The following IL6ST variants were observed in gnomAD, a reference collection of about 807,000 sequenced individuals.
IL6ST encodes interleukin 6 cytokine family signal transducer.
Under a neutral mutation model 91.3 loss-of-function variants are expected in IL6ST, and 24 were observed. The observed-to-expected ratio is 0.26, with a 90% CI of 0.19 to 0.37. The LOEUF is 0.37. Among genes scored for constraint, IL6ST ranks in the 10% least tolerant of loss-of-function variants. IL6ST has a pLI of 1.00. For missense variants in IL6ST, 914 were observed against 1,078.5 expected (o/e 0.85, Z 2.14); for synonymous variants, 351 against 373.6 (o/e 0.94, Z 0.70).
intron 15 of IL6ST, among the ~76,000 whole-genome samples, chr5:55,945,387 A>T (rs79089330): frequency 1.3e-5 from 2 of 152,162 alleles, no homozygotes; most frequent in African/African-American, 4.8e-5. Flanking sequence ...TACCAAAGCA[A>T]TTCAATGGGG....
intron 15 of IL6ST, among the ~76,000 whole-genome samples, chr5:55,943,444 C>G (rs2111602750): frequency 6.6e-6 from 1 of 152,274 alleles, no homozygotes; most frequent in South Asian, 2.1e-4. Flanking sequence ...GAGGAGGTAA[C>G]ATGTTCCCAT....
intron 16 of IL6ST, 119 bp downstream of exon 16, chr5:55,942,551 T>C: frequency 1.8e-6 from 1 of 542,296 alleles, no homozygotes; most frequent in Non-Finnish European, 3.3e-6. Flanking sequence ...TGATTCAGCT[T>C]GAATATCTTA....
rs1265154239 is a variant in IL6ST at position 55,940,413 on chromosome 5, A to G, written c.*669T>C. 4.8e-6 allele frequency: 1 copy of G among 209,340 alleles called. No homozygotes were observed. Among genetic ancestry groups the G allele is most frequent in the Non-Finnish European group, 9.7e-6 (1 of 102,820 alleles). The allele number at this position is 209,340 out of a possible 1,614,324, so 13.0% of individuals were successfully genotyped here. A position where few individuals can be genotyped will look rare whatever the true frequency, so the allele number is the denominator to read the frequency against. On this transcript the variant is annotated 3_prime_UTR_variant, in exon 17 of 17. Coordinates refer to ENST00000381298, the MANE Select transcript of IL6ST (RefSeq NM_002184.4). ...TTGAAAACTAGTGAGATTACTAATTATTGATGAATAAAAAATGAGTACTTT... is the reference window on the plus strand; with the variant it reads ...TTGAAAACTAGTGAGATTACTAATTGTTGATGAATAAAAAATGAGTACTTT...
In IL6ST at chr5:55,977,345, A is replaced by T. The variant is rs1433891949; in HGVS notation, c.-15-1052T>A. Among the ~76,000 whole-genome samples, 4 of 152,008 alleles carry T rather than the reference A, an allele frequency of 2.6e-5. No individual in the cohort carries two copies. In the East Asian group the frequency reaches 7.7e-4, roughly 29 times the overall value. ...TGGGCTCGAGCAATCCTCCTGCCTC[A>T]GCCTCCCAAAGCACTGGGATTACAG... On this transcript the variant is annotated intron_variant, in intron 2 of 16. Coordinates refer to ENST00000381298, the MANE Select transcript of IL6ST (RefSeq NM_002184.4).
chr5:55,979,276 G>A (rs1369152571), intron 2 of IL6ST, among the ~76,000 whole-genome samples: 1 of 152,130 alleles, frequency 6.6e-6, no homozygotes, highest in African/African-American at 2.4e-5. Flanking sequence ...CGCTCTGCAT[G>A]ATTTATTTTA....
In IL6ST at chr5:55,957,402, G is replaced by T. The variant is rs115047297; in HGVS notation, c.974-111C>A. 8.1e-4 allele frequency: 445 copies of T among 546,486 alleles called. 4 individuals carry two copies. The African/African-American group carries it at 8.3e-3, about 10-fold the overall frequency. 33.9% of individuals were successfully genotyped at this position (546,486 alleles called of 1,614,324 possible). ...AATACTCTTGCCCTCCAATTGCATG[G>T]TGTCTCTACCTCTTTATACCAGCAT... On this transcript the variant is annotated intron_variant, in intron 8 of 16. Transcript: ENST00000381298.
chr5:55,990,427 T>C (rs1339060141), intron 1 of IL6ST, among the ~76,000 whole-genome samples: 1 of 152,232 alleles, frequency 6.6e-6, no homozygotes, highest in African/African-American at 2.4e-5. Context: ...TGTAGTTGAA[T>C]TCTTTCCTTT....
intron 1 of IL6ST, among the ~76,000 whole-genome samples, chr5:55,985,563 T>C (rs150521893): frequency 2.2e-4 from 33 of 151,680 alleles, no homozygotes; most frequent in African/African-American, 8.0e-4. Context: ...GTCAAAAAGG[T>C]TTTTTCCTAC....
At position 55,956,036 on chromosome 5, in the gene IL6ST, C is replaced by A. The variant is rs1751940613; in HGVS notation, c.1256G>T (p.Cys419Phe). ...TCACAGATACAAACCTTGAAAGTCA[C>A]AGGCAGGGATAGTTAAAACAGCTGC... is the stretch of plus-strand genomic sequence containing the variant. ...SDAAVLTIPA[C>F]DFQATHPVMD... The change falls in exon 10 of 17, where the codon TGT becomes TTT. Residue 419 changes from cysteine (C) to phenylalanine (F), a missense_variant. Transcript: ENST00000381298. 2 of 1,611,964 alleles carry A rather than the reference C, an allele frequency of 1.2e-6. No individual in the cohort carries two copies. The highest frequency in any genetic ancestry group is 1.7e-4 in the Middle Eastern group (1 of 6,056).
chr5:55,973,938 C>T (rs1753114390), intron 3 of IL6ST, among the ~76,000 whole-genome samples: 1 of 152,064 alleles, frequency 6.6e-6, no homozygotes, highest in Admixed American at 6.5e-5. Flanking sequence ...GAACACCAGG[C>T]TAAAACTGAT....
chr5:55,951,141 T>A (rs1751606348), intron 14 of IL6ST, among the ~76,000 whole-genome samples: 1 of 151,924 alleles, frequency 6.6e-6, no homozygotes, highest in Non-Finnish European at 1.5e-5. Flanking sequence ...GTCCTTCAAG[T>A]AATCTCTCAA....
intron 1 of IL6ST, among the ~76,000 whole-genome samples, chr5:55,985,664 A>T (rs981239180): frequency 2.0e-5 from 3 of 152,214 alleles, no homozygotes; most frequent in African/African-American, 7.2e-5. Flanking sequence ...TTCATTTTGT[A>T]TATACGGATA....
intron 9 of IL6ST, 36 bp from the exon 10 acceptor site, chr5:55,956,271 A>G (rs755364775): frequency 4.1e-6 from 5 of 1,205,128 alleles, no homozygotes; most frequent in Admixed American, 1.9e-5. Context: ...AAATAATCTC[A>G]TAAATCTTGA....
chr5:55,952,502 A>G, intron 11 of IL6ST, 151 bp from the exon 12 acceptor site: 1 of 525,784 alleles, frequency 1.9e-6, no homozygotes, highest in Non-Finnish European at 3.4e-6. Flanking sequence ...TGTGTACTGG[A>G]TTCAAGCTTA....
chr5:55,952,679 C>A (rs1267984461), intron 11 of IL6ST, among the ~76,000 whole-genome samples: 4 of 152,102 alleles, frequency 2.6e-5, no homozygotes, highest in Admixed American at 2.6e-4. Context: ...CAAGAGAGAA[C>A]AGCCTAAGGA....
In IL6ST at chr5:55,960,495, C is replaced by G. The variant is rs746014490; in HGVS notation, c.880G>C (p.Glu294Gln). 6.2e-7 allele frequency: 1 copy of G among 1,614,032 alleles called. No homozygotes were observed. The highest frequency in any genetic ancestry group is 1.1e-5 in the South Asian group (1 of 91,082). Residue 294 changes from glutamate (E) to glutamine (Q), a missense_variant, in exon 8 of 17, where the codon GAA (glutamate) becomes CAA (glutamine). Transcript: ENST00000381298. ...FTVQDLKPFT[E>Q]YVFRIRCMKE... is the part of the protein sequence containing the mutation. Reference sequence around the variant, plus strand: ...ATACAGCGAATCCTAAACACATATTCTGTAAAAGGTTTAAGGTCTTGGACA... The same window carrying G: ...ATACAGCGAATCCTAAACACATATTGTGTAAAAGGTTTAAGGTCTTGGACA...
In IL6ST at chr5:55,936,007, A is replaced by AAC; in HGVS notation, c.*5074_*5075insGT. ...AAGGAGCACATAGCCCAAAGCTGAC[A>AAC]TGTTATTTCTATAAACTCTGGTATA... On this transcript the variant is annotated 3_prime_UTR_variant, in exon 17 of 17. Coordinates refer to ENST00000381298, the MANE Select transcript of IL6ST (RefSeq NM_002184.4). 4.4e-6 allele frequency: 1 copy of AAC among 225,530 alleles called. No homozygotes were observed. The highest frequency in any genetic ancestry group is 1.4e-3 in the Middle Eastern group (1 of 740). The allele number at this position is 225,530 out of a possible 1,614,324, so 14.0% of individuals were successfully genotyped here. A position where few individuals can be genotyped will look rare whatever the true frequency, so the allele number is the denominator to read the frequency against.
At chr5:55,994,634 G>A (rs1754541696) in intron 1 of IL6ST, 150 bp downstream of exon 1, 1 of 152,554 alleles carries the variant, frequency 6.6e-6, no homozygotes, top group Admixed American at 6.5e-5. Flanking sequence ...GCAGGAAGGG[G>A]AAGGAATGTG....
At chr5:55,963,219 A>G (rs1410980489) in intron 7 of IL6ST, 133 bp downstream of exon 7, 12 of 623,396 alleles carry the variant, frequency 1.9e-5, no homozygotes, top group Non-Finnish European at 2.5e-5. Flanking sequence ...TGAAATAACA[A>G]CCCAGAAGAG....
Sources: gnomAD v4.1 joint callset for allele counts (sites outside exome capture counted in the v4.1 genomes callset) on GRCh38, gnomAD v4.1.1 for gene constraint, MANE v1.5 for transcripts, NCBI Gene and HGNC (gene_info 2026-07-23, HGNC 2026-07-21) for gene names.